ACSM3: variants seen among roughly 807,000 people sequenced by gnomAD.
ACSM3 encodes acyl-CoA synthetase medium chain family member 3, also known as acyl-coenzyme A synthetase ACSM3, mitochondrial.
A neutral mutation model predicts 74.1 loss-of-function variants in ACSM3; 61 were observed. That is an observed-to-expected ratio of 0.82 (90% CI 0.67 to 1.02). The LOEUF is 1.02. ACSM3 is among the 50% of genes least tolerant of loss of function. ACSM3 has a pLI of 0.00. For synonymous variants in ACSM3, 213 were observed against 241.5 expected (o/e 0.88, Z 1.09); for missense variants, 660 against 697.0 (o/e 0.95, Z 0.60).
chr16:20,738,835 C>T (rs2152419190), intron 1 of ACSM3: 1 of 1,572,220 alleles, frequency 6.4e-7, no homozygotes, highest in East Asian at 2.2e-5. Flanking sequence ...AGCAGTATTC[C>T]CTGAGACAGG....
intron 12 of ACSM3, among the ~76,000 whole-genome samples, chr16:20,794,654 T>C (rs1314613169): frequency 6.6e-6 from 1 of 152,228 alleles, no homozygotes; most frequent in Non-Finnish European, 1.5e-5. Context: ...CCCAAACTTC[T>C]TGTAATTCTA....
rs115812826 is a variant in ACSM3, at chr16:20,696,976, G to A, written c.-190+22154G>A. ...TTCCCAGCTCCCCATAAGGATTAGT[G>A]TGATAATTTACTTGCTGGCACTGAA... On this transcript the variant is annotated intron_variant, in intron 1 of 3. Coordinates refer to the ACSM3 transcript ENST00000561584. Among the ~76,000 whole-genome samples, 554 of 152,296 alleles carry A rather than the reference G, an allele frequency of 3.6e-3. 3 individuals carry two copies. The highest frequency in any genetic ancestry group is 0.012 in the African/African-American group (511 of 41,550).
chr16:20,741,659 G>A (rs141494814), intron 1 of ACSM3: 4 of 1,583,532 alleles, frequency 2.5e-6, no homozygotes, highest in African/African-American at 2.7e-5. Context: ...AGCGCCGAGC[G>A]CGCTTGGCCA....
In ACSM3 at chr16:20,780,799, C is replaced by G; in HGVS notation, c.724C>G (p.Pro242Ala). 5 of 1,614,190 alleles carry G rather than the reference C, an allele frequency of 3.1e-6. No homozygotes were observed. Among genetic ancestry groups the G allele is most frequent in the Non-Finnish European group, 3.4e-6 (4 of 1,180,048 alleles). ...CTTTACCAGTGGAACAAGTGGATATCCGAAAATGACTGCACACACCCACAG... is the reference window on the plus strand; with the variant it reads ...CTTTACCAGTGGAACAAGTGGATATGCGAAAATGACTGCACACACCCACAG... ...IFFTSGTSGY[P>A]KMTAHTHSSF... The change falls in exon 5 of 14, where the codon CCG (proline) becomes GCG (alanine). Residue 242 changes from proline to alanine, a missense_variant. Physicochemically the swap from Pro to Ala is conservative, Grantham distance 27. Transcript: ENST00000289416.
chr16:20,793,784 T>C (rs974336731), intron 12 of ACSM3, among the ~76,000 whole-genome samples: 16 of 152,230 alleles, frequency 1.1e-4, no homozygotes, highest in African/African-American at 3.6e-4. Flanking sequence ...CGGCAAGGTT[T>C]CACGAGTCTT....
chr16:20,753,552 A>G (rs2080004834), intron 2 of ACSM3, among the ~76,000 whole-genome samples: 1 of 152,042 alleles, frequency 6.6e-6, no homozygotes. Context: ...TCAGGTATTA[A>G]ATGGTATTGT....
intron 2 of ACSM3, among the ~76,000 whole-genome samples, chr16:20,754,319 TAA>T: frequency 6.6e-6 from 1 of 152,246 alleles, no homozygotes; most frequent in East Asian, 1.9e-4. Context: ...GTCAGGAAGT[TAA>T]AGTGTGCTAA....
intron 1 of ACSM3, chr16:20,741,910 A>G: frequency 1.3e-6 from 2 of 1,534,402 alleles, no homozygotes; most frequent in South Asian, 1.2e-5. Flanking sequence ...CAATCGTGAA[A>G]GGGGTGGAGT....
chr16:20,780,668 G>A (rs1247146185), intron 4 of ACSM3, 46 bp from the exon 5 acceptor site: 3 of 1,614,080 alleles, frequency 1.9e-6, no homozygotes, highest in Non-Finnish European at 2.5e-6. Flanking sequence ...GTAACAGTCT[G>A]TGATGCTGTG....
intron 10 of ACSM3, among the ~76,000 whole-genome samples, 187 bp from the exon 11 acceptor site, chr16:20,791,815 C>A (rs186409463): frequency 1.4e-4 from 21 of 151,980 alleles, no homozygotes; most frequent in African/African-American, 4.8e-4. Context: ...ATAGTCCCAG[C>A]TATTTGGAAG....
At chr16:20,683,667 T>G (rs1034640511) in intron 1 of ACSM3, among the ~76,000 whole-genome samples, 1 of 143,284 alleles carries the variant, frequency 7.0e-6, no homozygotes, top group Non-Finnish European at 1.5e-5. Flanking sequence ...TTTTTGAGAG[T>G]CTTGCCACCA....
At chr16:20,697,280 C>G (rs1331981445) in intron 1 of ACSM3, among the ~76,000 whole-genome samples, 1 of 152,084 alleles carries the variant, frequency 6.6e-6, no homozygotes, top group Non-Finnish European at 1.5e-5. Flanking sequence ...AGTGAGCCAA[C>G]TTCTGCATAG....
In ACSM3 at chr16:20,790,559, TTAAA is replaced by T; in HGVS notation, c.1225-22_1225-19del. 2 of 1,584,634 alleles carry T rather than the reference TTAAA, an allele frequency of 1.3e-6. No individual in the cohort carries two copies. Among genetic ancestry groups the T allele is most frequent in the Non-Finnish European group, 1.7e-6 (2 of 1,159,844 alleles). On this transcript the variant is annotated intron_variant, in intron 9 of 13. Transcript: ENST00000289416. The surrounding 1 kb of genome is among the most constrained non-coding windows in gnomAD (Gnocchi z 4.0). ...GCTGCGACATTAAACAAAAATTTCC[TTAAA>T]TAAATTGTTCTATTTTATCCTAGAT... is the stretch of plus-strand genomic sequence containing the variant.
intron 1 of ACSM3, among the ~76,000 whole-genome samples, chr16:20,742,813 A>ATATATATATATATATTTT (rs61582869): frequency 9.0e-5 from 6 of 66,818 alleles, no homozygotes; most frequent in African/African-American, 2.1e-4. Context: ...ATATATATAT[A>ATATATATATATATATTTT]TTTTTTTTTT....
intron 2 of ACSM3, among the ~76,000 whole-genome samples, chr16:20,774,895 G>A (rs113139686): frequency 0.013 from 1,965 of 152,268 alleles, 47 homozygotes; most frequent in African/African-American, 0.045. Flanking sequence ...GTCCGCAGAT[G>A]GCAATGCAGG....
intron 1 of ACSM3, among the ~76,000 whole-genome samples, chr16:20,748,964 A>G (rs1276737774): frequency 5.9e-5 from 9 of 152,120 alleles, no homozygotes; most frequent in Admixed American, 5.9e-4. Flanking sequence ...AAGTAGAAGA[A>G]TCATTTGAAC....
At position 20,701,618 on chromosome 16, in the gene ACSM3, G is replaced by A. The variant is rs575796381; in HGVS notation, c.-190+26796G>A. 5.9e-5 allele frequency among the ~76,000 whole-genome samples: 9 copies of A among 152,176 alleles called. 1 individual carries two copies. Among genetic ancestry groups the A allele is most frequent in the South Asian group, 4.2e-4 (2 of 4,768 alleles). The stretch of plus-strand genomic sequence containing the variant: ...TATACATGTGCCATGGTGGTTTGCC[G>A]CACCTATCAATCCGTCATCTAGGTT... On this transcript the variant is annotated intron_variant, in intron 1 of 3. Coordinates refer to the ACSM3 transcript ENST00000561584.
intron 1 of ACSM3, chr16:20,741,481 G>GGGGGGGGGGGGGGGGGCCCCCCC: frequency 7.6e-7 from 1 of 1,308,414 alleles, no homozygotes; most frequent in Non-Finnish European, 9.9e-7. Context: ...CTGGCAGCCG[G>GGGGGGGGGGGGGGGGGCCCCCCC]CCCGCCCGCC....
rs764307764 is a variant in ACSM3 at position 20,770,084 on chromosome 16, A to G, written c.50A>G (p.Gln17Arg). Residue 17 changes from glutamine (Q) to arginine (R), a missense_variant, in exon 2 of 14, where the codon CAG (glutamine) becomes CGG (arginine). Coordinates refer to ENST00000289416, the MANE Select transcript of ACSM3 (RefSeq NM_005622.4). ...ATGCTACGTCATGCCAAGTGTTTTC[A>G]GCGCCTAGCAATTTTTGGTTCTGTG... ...RKMLRHAKCF[Q>R]RLAIFGSVRA... 6.2e-7 allele frequency: 1 copy of G among 1,614,176 alleles called. No individual in the cohort carries two copies. The highest frequency in any genetic ancestry group is 8.5e-7 in the Non-Finnish European group (1 of 1,180,022).
Sources: gnomAD v4.1 joint callset for allele counts (sites outside exome capture counted in the v4.1 genomes callset) on GRCh38, gnomAD v4.1.1 for gene constraint, Gnocchi (gnomAD v3.1) non-coding constraint, MANE v1.5 for transcripts, NCBI Gene and HGNC (gene_info 2026-07-23, HGNC 2026-07-21) for gene names.